Variants in LMBR1 observed in about 807,000 individuals in gnomAD.
LMBR1 encodes limb region 1 protein homolog.
A neutral mutation model predicts 73.9 loss-of-function variants in LMBR1; 52 were observed. That is an observed-to-expected ratio of 0.70 (90% CI 0.56 to 0.89). The LOEUF is 0.89. Ranked by LOEUF, LMBR1 falls within the 40% of genes least tolerant of loss-of-function variation. The pLI is 0.00. For missense variants in LMBR1, 539 were observed against 579.8 expected (o/e 0.93, Z 0.72); for synonymous variants, 215 against 209.4 (o/e 1.03, Z -0.23).
rs974843474 is a variant in LMBR1 at position 156,700,508 on chromosome 7, C to T, written c.1226-12317G>A. On this transcript the variant is annotated intron_variant, in intron 15 of 16. Transcript: ENST00000353442. Reference sequence around the variant, plus strand: ...TGTATACATATGTAACAAACCTGCACGTTGTGCACATGTACCCTAAAACTT... The same window carrying T: ...TGTATACATATGTAACAAACCTGCATGTTGTGCACATGTACCCTAAAACTT... 6.6e-5 allele frequency among the ~76,000 whole-genome samples: 10 copies of T among 152,062 alleles called. No individual in the cohort carries two copies. In the South Asian group the frequency reaches 1.2e-3, roughly 19 times the overall value.
chr7:156,873,539 T>G (rs1177688820), intron 1 of LMBR1, among the ~76,000 whole-genome samples: 3 of 152,148 alleles, frequency 2.0e-5, no homozygotes, highest in Admixed American at 6.5e-5. Flanking sequence ...TCCTGCTGAT[T>G]CGTAGAGCCC....
At chr7:156,883,004 C>G (rs994809563) in intron 1 of LMBR1, among the ~76,000 whole-genome samples, 1 of 151,886 alleles carries the variant, frequency 6.6e-6, no homozygotes, top group Admixed American at 6.6e-5. Context: ...GCACTCTAGC[C>G]TGGGCAACAG....
At chr7:156,867,190 A>G (rs75612528) in intron 1 of LMBR1, among the ~76,000 whole-genome samples, 17 of 152,376 alleles carry the variant, frequency 1.1e-4, no homozygotes, top group Non-Finnish European at 1.8e-4. Context: ...AGTCATCAGT[A>G]AAATGCAAAT....
chr7:156,767,607 A>G (rs1267042064), intron 5 of LMBR1, among the ~76,000 whole-genome samples: 1 of 152,036 alleles, frequency 6.6e-6, no homozygotes, highest in Admixed American at 6.6e-5. Context: ...TAGTATCAAA[A>G]TAATAAAACT....
At position 156,892,993 on chromosome 7, in the gene LMBR1, TC is replaced by T; in HGVS notation, c.-1del. 1 of 1,529,336 alleles carries T rather than the reference TC, an allele frequency of 6.5e-7. No homozygotes were observed. Among genetic ancestry groups the T allele is most frequent in the Non-Finnish European group, 8.7e-7 (1 of 1,145,838 alleles). The allele number at this position is 1,529,336 out of a possible 1,614,324, so 94.7% of individuals were successfully genotyped here. A position where few individuals can be genotyped will look rare whatever the true frequency, so the allele number is the denominator to read the frequency against. Reference sequence around the variant, plus strand: ...GCCGACACCTCGTCCTGCCCTTCCATCCTCCTTCATGCCCGCCGCCGCGCCG... The same window carrying T: ...GCCGACACCTCGTCCTGCCCTTCCATCTCCTTCATGCCCGCCGCCGCGCCG... On this transcript the variant is annotated 5_prime_UTR_variant, in exon 1 of 17. Coordinates refer to ENST00000353442, the MANE Select transcript of LMBR1 (RefSeq NM_022458.4).
At chr7:156,814,097 C>A (rs931920599) in intron 4 of LMBR1, among the ~76,000 whole-genome samples, 2 of 152,096 alleles carry the variant, frequency 1.3e-5, no homozygotes, top group African/African-American at 4.8e-5. Context: ...CCTTAGCCAA[C>A]GCACCCATAA....
At chr7:156,713,693 G>C (rs1307852755) in intron 15 of LMBR1, among the ~76,000 whole-genome samples, 4 of 152,160 alleles carry the variant, frequency 2.6e-5, no homozygotes, top group African/African-American at 9.7e-5. Flanking sequence ...GATGGCAGTG[G>C]TGGTCCTACA....
chr7:156,676,110 T>C, downstream of LMBR1: 1 of 820,102 alleles, frequency 1.2e-6, no homozygotes. Context: ...TGGTAGGACT[T>C]TCCTCATGGG....
At chr7:156,696,212 T>G (rs114127679) in intron 15 of LMBR1, among the ~76,000 whole-genome samples, 4 of 152,210 alleles carry the variant, frequency 2.6e-5, no homozygotes, top group African/African-American at 9.7e-5. Flanking sequence ...TTAATAAATT[T>G]GACTTCATCA....
At position 156,669,659 on chromosome 7, in the gene LMBR1, G is replaced by T. The variant is rs1802033846; in HGVS notation, n.867-372C>A. ...ACGTGAACACTGGAAACTGCCCTCA[G>T]AGCCCCGGGGATGCGAGGTCAGCAG... On this transcript the variant is annotated intron_variant and non_coding_transcript_variant, in intron 4 of 4. Coordinates refer to the LMBR1 transcript ENST00000430825. This position sits in a 1 kb window ranked among gnomAD's most constrained non-coding sequence, Gnocchi z 4.2. Among the ~76,000 whole-genome samples, 1 of 152,224 alleles carries T rather than the reference G, an allele frequency of 6.6e-6. No individual in the cohort carries two copies. Among genetic ancestry groups the T allele is most frequent in the Admixed American group, 6.5e-5 (1 of 15,290 alleles).
At chr7:156,753,743 G>A (rs1399032497) in intron 9 of LMBR1, among the ~76,000 whole-genome samples, 1 of 152,120 alleles carries the variant, frequency 6.6e-6, no homozygotes, top group East Asian at 1.9e-4. Flanking sequence ...GGGAGGCTGT[G>A]TGCTGTGGGG....
At chr7:156,813,086 C>T (rs1354538747) in intron 4 of LMBR1, among the ~76,000 whole-genome samples, 2 of 152,186 alleles carry the variant, frequency 1.3e-5, no homozygotes, top group African/African-American at 4.8e-5. Context: ...TCTCTACCAA[C>T]ACTTGAATAT....
Position 156,680,397 on chromosome 7 carries a change from A to AGTGTGTGTGTGTGT in LMBR1, c.*3680_*3681insACACACACACACAC, listed in dbSNP as rs1338310393. ...GAGACAGAGAGAGAGAGAGAGAGAG[A>AGTGTGTGTGTGTGT]GAGAGAGTGTGTGTGTGTGTGTGTG... On this transcript the variant is annotated 3_prime_UTR_variant, in exon 17 of 17. Transcript: ENST00000353442. 2 of 137,638 alleles carry AGTGTGTGTGTGTGT rather than the reference A, an allele frequency of 1.5e-5. No individual in the cohort carries two copies. Among genetic ancestry groups the AGTGTGTGTGTGTGT allele is most frequent in the African/African-American group, 5.9e-5 (2 of 34,084 alleles). 8.5% of individuals were successfully genotyped at this position (137,638 alleles called of 1,614,324 possible). A position where few individuals can be genotyped will look rare whatever the true frequency, so the allele number is the denominator to read the frequency against.
intron 4 of LMBR1, among the ~76,000 whole-genome samples, chr7:156,807,723 CCT>C (rs1491425864): frequency 1.1e-4 from 16 of 152,146 alleles, no homozygotes; most frequent in Non-Finnish European, 1.9e-4. Flanking sequence ...TGATTTGAGG[CCT>C]TTTTTCTGTT....
chr7:156,732,919 A>G (rs911447739), intron 10 of LMBR1, among the ~76,000 whole-genome samples: 5 of 152,214 alleles, frequency 3.3e-5, no homozygotes, highest in African/African-American at 1.2e-4. Flanking sequence ...TGACGTGGGC[A>G]GAACACTTGA....
intron 5 of LMBR1, among the ~76,000 whole-genome samples, chr7:156,783,834 ATG>A (rs1332219498): frequency 6.6e-6 from 1 of 152,168 alleles, no homozygotes; most frequent in Non-Finnish European, 1.5e-5. Flanking sequence ...AGCTCCTTCA[ATG>A]GTGTAAGAGA....
chr7:156,849,459 C>T (rs1289378044), intron 1 of LMBR1, among the ~76,000 whole-genome samples: 4 of 152,102 alleles, frequency 2.6e-5, no homozygotes, highest in Admixed American at 2.6e-4. Flanking sequence ...AACATAGTAA[C>T]AAACCTGTAC....
rs1805461681 is a variant in LMBR1 at position 156,683,858 on chromosome 7, C to G, written c.*220G>C. ...GCTGTTCTATATGTCTGTAAGGAAT[C>G]TGCACTTAACTGGAAACTACAGGGT... On this transcript the variant is annotated 3_prime_UTR_variant, in exon 17 of 17. Transcript: ENST00000353442. 3 of 502,526 alleles carry G rather than the reference C, an allele frequency of 6.0e-6. No individual in the cohort carries two copies. In the Admixed American group the frequency reaches 1.1e-4, roughly 18 times the overall value. 31.1% of individuals were successfully genotyped at this position (502,526 alleles called of 1,614,324 possible).
At chr7:156,821,491 T>A (rs934064693) in intron 4 of LMBR1, among the ~76,000 whole-genome samples, 5 of 152,278 alleles carry the variant, frequency 3.3e-5, no homozygotes, top group African/African-American at 1.2e-4. Flanking sequence ...ATCTGGTGGT[T>A]TGCTTTGCTT....
Sources: gnomAD v4.1 joint callset for allele counts (sites outside exome capture counted in the v4.1 genomes callset) on GRCh38, gnomAD v4.1.1 for gene constraint, Gnocchi (gnomAD v3.1) non-coding constraint, MANE v1.5 for transcripts, NCBI Gene and HGNC (gene_info 2026-07-23, HGNC 2026-07-21) for gene names.